TRIM44: variants seen among roughly 807,000 people sequenced by gnomAD.
TRIM44 encodes the protein tripartite motif-containing protein 44.
TRIM44 carries 13 observed loss-of-function variants against 37.4 expected under a neutral mutation model. The ratio of observed to expected loss-of-function variants is 0.35; its 90% CI spans 0.23 to 0.55. The LOEUF is 0.55. Among genes scored for constraint, TRIM44 ranks in the 20% least tolerant of loss-of-function variants. TRIM44 has a pLI of 0.89. For missense variants in TRIM44, 426 were observed against 437.2 expected, an observed-to-expected ratio of 0.97 and a Z score of 0.23; for synonymous variants, 175 against 157.2, an observed-to-expected ratio of 1.11 and a Z score of -0.85.
chr11:35,802,023 G>A (rs1853377975), intron 4 of TRIM44, among the ~76,000 whole-genome samples: 1 of 151,770 alleles, frequency 6.6e-6, no homozygotes, highest in South Asian at 2.1e-4. Flanking sequence ...ATATATTTTT[G>A]TCAAAACTTT....
intron 4 of TRIM44, among the ~76,000 whole-genome samples, chr11:35,758,257 C>T (rs1490095568): frequency 6.6e-6 from 1 of 152,068 alleles, no homozygotes; most frequent in East Asian, 1.9e-4. Context: ...TATGTAATGG[C>T]CTTCTTTGTC....
chr11:35,770,300 C>T (rs1278231306), intron 4 of TRIM44, among the ~76,000 whole-genome samples: 2 of 152,176 alleles, frequency 1.3e-5, no homozygotes, highest in African/African-American at 4.8e-5. Flanking sequence ...TTATCCAGTG[C>T]ACTGCTGATG....
In TRIM44 at chr11:35,815,430, G is replaced by A. The variant is rs1201573667; in HGVS notation, c.*9045G>A. ...GACTTGGTGATAGTAGGGCAATAGG[G>A]AGTGTCAGTAGGGTAGTTTCAGGTG... On this transcript the variant is annotated 3_prime_UTR_variant, in exon 5 of 5. Transcript: ENST00000299413. The A allele has an allele frequency of 6.6e-6, 1 of 152,142 alleles. No individual in the cohort carries two copies. The highest frequency in any genetic ancestry group is 1.5e-5 in the Non-Finnish European group (1 of 68,032). The allele number at this position is 152,142 out of a possible 1,614,324, so 9.4% of individuals were successfully genotyped here. A position where few individuals can be genotyped will look rare whatever the true frequency, so the allele number is the denominator to read the frequency against.
chr11:35,744,783 C>T (rs1044748790), intron 4 of TRIM44, among the ~76,000 whole-genome samples: 1 of 152,172 alleles, frequency 6.6e-6, no homozygotes, highest in African/African-American at 2.4e-5. Flanking sequence ...CATGTGTTCT[C>T]ATCATTCAGC....
At chr11:35,726,738 A>G (rs1413213786) in intron 3 of TRIM44, among the ~76,000 whole-genome samples, 1 of 152,158 alleles carries the variant, frequency 6.6e-6, no homozygotes, top group African/African-American at 2.4e-5. Context: ...GAATCACTAT[A>G]CAAATGTTAG....
intron 2 of TRIM44, among the ~76,000 whole-genome samples, chr11:35,697,101 A>C (rs916436200): frequency 1.3e-5 from 2 of 151,974 alleles, no homozygotes; most frequent in Non-Finnish European, 2.9e-5. Flanking sequence ...TTTAGGGTAC[A>C]TGTGCACAAC....
intron 1 of TRIM44, among the ~76,000 whole-genome samples, chr11:35,672,303 C>T (rs1256241660): frequency 6.6e-6 from 1 of 152,066 alleles, no homozygotes; most frequent in Non-Finnish European, 1.5e-5. Context: ...TGTTCTGTTT[C>T]TCTTCTATTC....
intron 1 of TRIM44, among the ~76,000 whole-genome samples, chr11:35,671,006 G>T (rs1422398810): frequency 2.6e-5 from 4 of 152,206 alleles, no homozygotes; most frequent in Non-Finnish European, 5.9e-5. Flanking sequence ...GAATATCTTG[G>T]AACAGTAAAA....
intron 2 of TRIM44, among the ~76,000 whole-genome samples, chr11:35,722,973 C>A (rs1378958919): frequency 6.6e-6 from 1 of 152,090 alleles, no homozygotes; most frequent in African/African-American, 2.4e-5. Context: ...CAATACTTTT[C>A]TGAAACAAAT....
intron 4 of TRIM44, among the ~76,000 whole-genome samples, chr11:35,763,381 A>G (rs566135018): frequency 2.0e-5 from 3 of 152,282 alleles, no homozygotes; most frequent in East Asian, 1.9e-4. Context: ...GGGAACAAGG[A>G]TACAGGGAAA....
At chr11:35,751,663 G>A (rs536866531) in intron 4 of TRIM44, among the ~76,000 whole-genome samples, 1 of 152,200 alleles carries the variant, frequency 6.6e-6, no homozygotes, top group Non-Finnish European at 1.5e-5. Flanking sequence ...TGCTAAACAA[G>A]TGAAATAAGA....
At chr11:35,705,615 A>G (rs1240999911) in intron 2 of TRIM44, among the ~76,000 whole-genome samples, 1 of 150,404 alleles carries the variant, frequency 6.6e-6, no homozygotes, top group Non-Finnish European at 1.5e-5. Context: ...AACTCACTCA[A>G]AACTGCTCAA....
At chr11:35,739,365 G>C (rs1852363374) in intron 4 of TRIM44, among the ~76,000 whole-genome samples, 1 of 152,146 alleles carries the variant, frequency 6.6e-6, no homozygotes, top group African/African-American at 2.4e-5. Flanking sequence ...TGGCTTCAGA[G>C]TTTAACCACC....
At position 35,816,280 on chromosome 11, in the gene TRIM44, T is replaced by G. The variant is rs1314823662; in HGVS notation, c.*9895T>G. The G allele has an allele frequency of 6.6e-6, 1 of 152,194 alleles. No homozygotes were observed. 9.4% of individuals were successfully genotyped at this position (152,194 alleles called of 1,614,324 possible). ...AGAAAAAAAAACAGCTGAGACTGTTTCACAGAAGAGAAAATAAATAAGGTG... is the reference window on the plus strand; with the variant it reads ...AGAAAAAAAAACAGCTGAGACTGTTGCACAGAAGAGAAAATAAATAAGGTG... On this transcript the variant is annotated 3_prime_UTR_variant, in exon 5 of 5. Coordinates refer to ENST00000299413, the MANE Select transcript of TRIM44 (RefSeq NM_017583.6).
At chr11:35,678,058 A>G (rs959606865) in intron 1 of TRIM44, among the ~76,000 whole-genome samples, 13 of 152,170 alleles carry the variant, frequency 8.5e-5, no homozygotes, top group Non-Finnish European at 8.8e-5. Flanking sequence ...GATAAAATGA[A>G]TGGCTGGAGT....
intron 2 of TRIM44, among the ~76,000 whole-genome samples, chr11:35,720,517 T>C (rs181540614): frequency 3.1e-4 from 47 of 152,286 alleles, no homozygotes; most frequent in Admixed American, 2.7e-3. Flanking sequence ...TCCCAATCTG[T>C]ATACCTTTTA....
intron 2 of TRIM44, among the ~76,000 whole-genome samples, chr11:35,714,099 T>G (rs1342901531): frequency 1.3e-5 from 2 of 152,162 alleles, no homozygotes; most frequent in East Asian, 1.9e-4. Context: ...CTTGGGAAAT[T>G]AGATCTAAAC....
intron 4 of TRIM44, among the ~76,000 whole-genome samples, chr11:35,763,093 C>G (rs1590580086): frequency 6.6e-6 from 1 of 152,308 alleles, no homozygotes; most frequent in East Asian, 1.9e-4. Context: ...TCAGCTTTAG[C>G]TCTGCTCCCT....
intron 4 of TRIM44, among the ~76,000 whole-genome samples, chr11:35,771,039 C>T (rs867029365): frequency 1.4e-4 from 22 of 151,964 alleles, no homozygotes; most frequent in African/African-American, 4.8e-4. Context: ...TAGAGCGGGG[C>T]GTTGCTGAAA....
Sources: gnomAD v4.1 joint callset for allele counts (sites outside exome capture counted in the v4.1 genomes callset) on GRCh38, gnomAD v4.1.1 for gene constraint, MANE v1.5 for transcripts, NCBI Gene and HGNC (gene_info 2026-07-23, HGNC 2026-07-21) for gene names.